The following EYA4 variants were observed in gnomAD, a reference collection of about 807,000 sequenced individuals.
EYA4 encodes the protein EYA transcriptional coactivator and phosphatase 4, also known as protein phosphatase EYA4.
A neutral mutation model predicts 87.9 loss-of-function variants in EYA4; 31 were observed. The ratio of observed to expected loss-of-function variants is 0.35; its 90% CI spans 0.27 to 0.48. EYA4 has a LOEUF of 0.48. Ranked by LOEUF, EYA4 falls within the 20% of genes least tolerant of loss-of-function variation. EYA4 has a pLI of 0.99. For synonymous variants in EYA4, 263 were observed against 270.6 expected (o/e 0.97, Z 0.28); for missense variants, 678 against 761.4 (o/e 0.89, Z 1.29).
intron 13 of EYA4, among the ~76,000 whole-genome samples, chr6:133,494,828 A>G (rs1285764231): frequency 6.6e-6 from 1 of 151,020 alleles, no homozygotes; most frequent in Non-Finnish European, 1.5e-5. Flanking sequence ...TCCAGCCCAG[A>G]TGTCAGAGTA....
chr6:133,289,192 T>C (rs1778296300), intron 2 of EYA4, among the ~76,000 whole-genome samples: 1 of 152,154 alleles, frequency 6.6e-6, no homozygotes, highest in South Asian at 2.1e-4. Context: ...GTGAACTAGC[T>C]GGAGAGGAGT....
chr6:133,531,277 G>A lies in EYA4; in HGVS notation c.*2472G>A, dbSNP rs1022768163. ...ACAGCTTGTCTGGCACAACAATGGT[G>A]CAGGCCCACGAGCCAGCATCACAGC... On this transcript the variant is annotated 3_prime_UTR_variant, in exon 20 of 20. Coordinates refer to ENST00000355286, the MANE Select transcript of EYA4 (RefSeq NM_004100.5). 3 of 1,380,282 alleles carry A rather than the reference G, an allele frequency of 2.2e-6. No homozygotes were observed. Among genetic ancestry groups the A allele is most frequent in the East Asian group, 2.5e-5 (1 of 40,146 alleles). 85.5% of individuals were successfully genotyped at this position (1,380,282 alleles called of 1,614,324 possible).
At chr6:133,242,650 G>A (rs909404188) in intron 1 of EYA4, among the ~76,000 whole-genome samples, 1 of 152,142 alleles carries the variant, frequency 6.6e-6, no homozygotes, top group African/African-American at 2.4e-5. Context: ...CCGAACTTTC[G>A]TTTGGTAGCA....
chr6:133,285,953 T>G (rs902771316), intron 2 of EYA4, among the ~76,000 whole-genome samples: 2 of 152,162 alleles, frequency 1.3e-5, no homozygotes, highest in African/African-American at 4.8e-5. Flanking sequence ...GGCAGAGACA[T>G]TGCTGTGTTT....
chr6:133,337,163 T>C (rs183190250), intron 2 of EYA4, among the ~76,000 whole-genome samples: 1 of 152,198 alleles, frequency 6.6e-6, no homozygotes, highest in African/African-American at 2.4e-5. Context: ...GGGCTTAAAG[T>C]TGAATAGTGT....
At chr6:133,310,838 ACCGTTAATTT>A (rs1450027184) in intron 2 of EYA4, among the ~76,000 whole-genome samples, 3 of 152,206 alleles carry the variant, frequency 2.0e-5, no homozygotes, top group Non-Finnish European at 4.4e-5. Context: ...CAACATGCCT[ACCGTTAATTT>A]CCTAGGAAAC....
At chr6:133,293,538 T>C (rs1778661899) in intron 2 of EYA4, among the ~76,000 whole-genome samples, 1 of 152,152 alleles carries the variant, frequency 6.6e-6, no homozygotes, top group Non-Finnish European at 1.5e-5. Flanking sequence ...ATATAACCTG[T>C]CATAGCACCT....
At chr6:133,523,203 A>G (rs748786466) in intron 18 of EYA4, 26 bp downstream of exon 18, 2 of 1,608,034 alleles carry the variant, frequency 1.2e-6, no homozygotes, top group East Asian at 2.2e-5. Context: ...TAAACTCTGT[A>G]TGGAATGTGT....
chr6:133,522,322 A>G (rs1431687287), intron 17 of EYA4, among the ~76,000 whole-genome samples: 2 of 151,598 alleles, frequency 1.3e-5, no homozygotes, highest in Middle Eastern at 3.2e-3. Flanking sequence ...ATGTATAAAA[A>G]CTACTCTACC....
chr6:133,413,219 A>G (rs1234483693), intron 3 of EYA4, among the ~76,000 whole-genome samples: 1 of 152,166 alleles, frequency 6.6e-6, no homozygotes, highest in Non-Finnish European at 1.5e-5. Context: ...AATAGTATTT[A>G]TTTAAAAACT....
intron 11 of EYA4, 145 bp downstream of exon 11, chr6:133,468,876 C>T (rs1044597793): frequency 2.2e-5 from 18 of 818,372 alleles, no homozygotes; most frequent in East Asian, 1.5e-4. Flanking sequence ...CTGTGTAAGA[C>T]GAGGCTCTTC....
chr6:133,349,073 C>T (rs1345286673), intron 2 of EYA4, among the ~76,000 whole-genome samples: 3 of 152,192 alleles, frequency 2.0e-5, no homozygotes, highest in South Asian at 2.1e-4. Context: ...ATGTGCCAGA[C>T]GTATGCACCT....
intron 2 of EYA4, among the ~76,000 whole-genome samples, chr6:133,292,319 A>G (rs892899327): frequency 2.0e-5 from 3 of 152,206 alleles, no homozygotes; most frequent in African/African-American, 7.2e-5. Flanking sequence ...TAAATTTTAC[A>G]CCAATTGCGT....
At chr6:133,279,393 C>G (rs1302730658) in intron 2 of EYA4, among the ~76,000 whole-genome samples, 1 of 152,036 alleles carries the variant, frequency 6.6e-6, no homozygotes, top group East Asian at 1.9e-4. Context: ...AATTAACTCA[C>G]ATTCATTGGA....
intron 17 of EYA4, among the ~76,000 whole-genome samples, chr6:133,522,160 GGTAGA>G (rs1431797180): frequency 5.7e-5 from 8 of 141,516 alleles, no homozygotes; most frequent in South Asian, 4.7e-4. Flanking sequence ...GCATCTACAT[GGTAGA>G]GTAGTTTTTT....
intron 13 of EYA4, among the ~76,000 whole-genome samples, chr6:133,490,884 T>A (rs547545): frequency 0.35 from 53,259 of 152,042 alleles, 10,689 homozygotes; most frequent in Non-Finnish European, 0.45. Context: ...ACAGAACATT[T>A]AATACAACAA....
chr6:133,483,267 C>CT lies in EYA4; in HGVS notation c.1191+155dup, dbSNP rs1796380365. On this transcript the variant is annotated intron_variant, in intron 13 of 19. Transcript: ENST00000355286. ...TATCTATTTCTAGTGTCTTATAGTT[C>CT]TTTAATATGAACTGGCAAATTTAAC... 4.9e-6 allele frequency: 3 copies of CT among 606,670 alleles called. No individual in the cohort carries two copies. In the East Asian group the frequency reaches 8.8e-5, roughly 18 times the overall value. The allele number at this position is 606,670 out of a possible 1,614,324, so 37.6% of individuals were successfully genotyped here.
Position 133,483,388 on chromosome 6 carries a change from G to A in EYA4, c.1191+273G>A, listed in dbSNP as rs79960843. The stretch of plus-strand genomic sequence containing the variant: ...TTCTTAGTCTCACATAATTATTTTA[G>A]AAAAAAAATTGTAAATCGAAATGGA... On this transcript the variant is annotated intron_variant, in intron 13 of 19. Transcript: ENST00000355286. 0.059 allele frequency among the ~76,000 whole-genome samples: 9,004 copies of A among 151,412 alleles called. 844 individuals carry two copies. Among genetic ancestry groups the A allele is most frequent in the African/African-American group, 0.2 (8,336 of 41,332 alleles).
At chr6:133,527,059 C>T (rs968787953) in intron 19 of EYA4, among the ~76,000 whole-genome samples, 12 of 152,116 alleles carry the variant, frequency 7.9e-5, no homozygotes, top group African/African-American at 9.7e-5. Flanking sequence ...AGGAGGGAAA[C>T]GCATAACCCT....
Sources: gnomAD v4.1 joint callset for allele counts (sites outside exome capture counted in the v4.1 genomes callset) on GRCh38, gnomAD v4.1.1 for gene constraint, MANE v1.5 for transcripts, NCBI Gene and HGNC (gene_info 2026-07-23, HGNC 2026-07-21) for gene names.